The following ATG4B variants were observed in gnomAD, a reference collection of about 807,000 sequenced individuals.
The protein encoded by ATG4B is cysteine protease ATG4B.
Under a neutral mutation model 56.6 loss-of-function variants are expected in ATG4B, and 29 were observed. The observed-to-expected ratio is 0.51, with a 90% confidence interval of 0.38 to 0.70. The LOEUF (loss-of-function observed/expected upper bound fraction) is 0.70, where lower values mean the gene tolerates loss of function less well. Ranked by LOEUF, ATG4B falls within the 30% of genes least tolerant of loss-of-function variation. ATG4B has a pLI of 0.00. For missense variants in ATG4B, 461 were observed against 515.5 expected (o/e 0.89, Z 1.02); for synonymous variants, 224 against 206.1 (o/e 1.09, Z -0.74).
At chr2:241,647,454 T>TA (rs1425073512) in intron 1 of ATG4B, among the ~76,000 whole-genome samples, 30 of 150,564 alleles carry the variant, frequency 2.0e-4, no homozygotes, top group Middle Eastern at 3.4e-3. Flanking sequence ...CCGTCTCTAC[T>TA]AAAAAAAATA....
At chr2:241,661,283 A>G (rs1401521519) in intron 7 of ATG4B, among the ~76,000 whole-genome samples, 3 of 152,224 alleles carry the variant, frequency 2.0e-5, no homozygotes, top group Non-Finnish European at 4.4e-5. Flanking sequence ...TTTAGGAAGA[A>G]AGGCATCCAC....
Position 241,668,684 on chromosome 2 carries a change from T to C in ATG4B, c.956T>C (p.Val319Ala), listed in dbSNP as rs2068857381. The change falls in exon 10 of 13, where the codon GTG (valine) becomes GCG (alanine). Residue 319 changes from valine to alanine, a missense_variant and splice_region_variant. Val to Ala is a moderately conservative substitution (Grantham distance 64). Coordinates refer to ENST00000404914, the MANE Select transcript of ATG4B (RefSeq NM_013325.5). This position sits in a 1 kb window ranked among gnomAD's most constrained non-coding sequence, Gnocchi z 4.2. ...GCGGAGCTTGACCCGTCCATCGCTG[T>C]GGTACGTGGCGGCCACCTGAGCACA... Reference protein sequence around the residue: ...SIAELDPSIAVGFFCKTEDDF... With the variant: ...SIAELDPSIAAGFFCKTEDDF... 8.3e-6 allele frequency: 13 copies of C among 1,570,138 alleles called. No individual in the cohort carries two copies. Among genetic ancestry groups the C allele is most frequent in the Non-Finnish European group, 1.0e-5 (12 of 1,159,272 alleles).
chr2:241,652,632 G>C (rs1413631143), intron 3 of ATG4B, among the ~76,000 whole-genome samples: 1 of 152,164 alleles, frequency 6.6e-6, no homozygotes, highest in African/African-American at 2.4e-5. Flanking sequence ...GAGTGTCTGG[G>C]ACTACAGGTG....
chr2:241,641,528 C>T (rs1417179401), intron 1 of ATG4B, among the ~76,000 whole-genome samples: 8 of 142,824 alleles, frequency 5.6e-5, no homozygotes, highest in African/African-American at 1.1e-4. Context: ...CCAGCCTGGG[C>T]GACAGAGCGA....
intron 1 of ATG4B, 164 bp downstream of exon 1, chr2:241,637,888 G>A: frequency 1.9e-6 from 1 of 530,940 alleles, no homozygotes; most frequent in Non-Finnish European, 2.8e-6. Context: ...GTGTTGGTGG[G>A]TGGTGGGCGG....
At chr2:241,654,740 G>A in intron 5 of ATG4B, 93 bp downstream of exon 5, 1 of 1,013,986 alleles carries the variant, frequency 9.9e-7, no homozygotes, top group Non-Finnish European at 1.5e-6. Context: ...GGTGTCGTGG[G>A]ATGTGGAGCA....
intron 1 of ATG4B, among the ~76,000 whole-genome samples, chr2:241,639,590 G>A (rs551732346): frequency 1.3e-5 from 2 of 152,174 alleles, no homozygotes; most frequent in African/African-American, 4.8e-5. Context: ...ACAATCGAAG[G>A]GTGAGGAGGG....
At chr2:241,655,735 C>A (rs931512617) in intron 6 of ATG4B, among the ~76,000 whole-genome samples, 1 of 152,168 alleles carries the variant, frequency 6.6e-6, no homozygotes, top group African/African-American at 2.4e-5. Context: ...CTCACTCTAC[C>A]CGGAGACTCC....
chr2:241,671,325 G>A lies in ATG4B; in HGVS notation c.1028G>A (p.Gly343Glu). The stretch of plus-strand genomic sequence containing the variant: ...TCTCACTAACAGCTGTCTCTGCTTG[G>A]AGGTGCCCTGCCCATGTTTGAGCTG... ...CQQVKKLSLL[G>E]GALPMFELVE... The change falls in exon 12 of 13, where the codon GGA becomes GAA. Residue 343 changes from glycine (G) to glutamate (E), a missense_variant. Physicochemically the swap from Gly to Glu is moderately conservative, Grantham distance 98. Coordinates refer to ENST00000404914, the MANE Select transcript of ATG4B (RefSeq NM_013325.5). The A allele has an allele frequency of 6.2e-7, 1 of 1,613,306 alleles. No individual in the cohort carries two copies. The highest frequency in any genetic ancestry group is 8.5e-7 in the Non-Finnish European group (1 of 1,179,668).
intron 1 of ATG4B, among the ~76,000 whole-genome samples, chr2:241,637,960 G>T (rs2067726412): frequency 1.3e-5 from 2 of 151,668 alleles, no homozygotes; most frequent in South Asian, 4.1e-4. Flanking sequence ...TTGCGCTGGA[G>T]CTTCTGCTTT....
intron 5 of ATG4B, 35 bp from the exon 6 acceptor site, chr2:241,655,236 G>A (rs1439996540): frequency 8.2e-6 from 13 of 1,588,652 alleles, no homozygotes; most frequent in Non-Finnish European, 1.1e-5. Flanking sequence ...GCTGGGGGCG[G>A]GTGTGTGTTG....
At chr2:241,654,330 A>G (rs2125127172) in intron 4 of ATG4B, among the ~76,000 whole-genome samples, 1 of 149,746 alleles carries the variant, frequency 6.7e-6, no homozygotes, top group Middle Eastern at 3.5e-3. Flanking sequence ...CTGAAGCAGG[A>G]GAATCGCTTG....
At chr2:241,641,506 C>G (rs1243287613) in intron 1 of ATG4B, among the ~76,000 whole-genome samples, 1 of 150,216 alleles carries the variant, frequency 6.7e-6, no homozygotes, top group Non-Finnish European at 1.5e-5. Context: ...GCCAAGACTG[C>G]GCCACTGCAC....
intron 6 of ATG4B, 199 bp downstream of exon 6, chr2:241,655,542 T>C: frequency 4.9e-6 from 3 of 606,490 alleles, no homozygotes; most frequent in Non-Finnish European, 8.7e-6. Context: ...ATGAACACCG[T>C]AGTCCACATC....
chr2:241,644,928 G>A (rs1218613568), intron 1 of ATG4B, among the ~76,000 whole-genome samples: 1 of 149,500 alleles, frequency 6.7e-6, no homozygotes, highest in South Asian at 2.1e-4. Flanking sequence ...CAGCCTGGGT[G>A]ACGAGCAAAA....
chr2:241,671,569 C>A, intron 12 of ATG4B, 164 bp downstream of exon 12: 1 of 1,527,068 alleles, frequency 6.5e-7, no homozygotes, highest in Non-Finnish European at 8.8e-7. Flanking sequence ...GTGGAGCGTC[C>A]CCTCCTCCAA....
At chr2:241,640,695 G>A (rs1434724773) in intron 1 of ATG4B, among the ~76,000 whole-genome samples, 1 of 152,174 alleles carries the variant, frequency 6.6e-6, no homozygotes, top group Non-Finnish European at 1.5e-5. Context: ...GGCCAGGAAG[G>A]GTCTCACTCT....
intron 5 of ATG4B, 167 bp downstream of exon 5, chr2:241,654,814 G>C (rs905763746): frequency 6.4e-6 from 4 of 624,898 alleles, no homozygotes; most frequent in South Asian, 4.0e-5. Context: ...CATCACCCCC[G>C]TGTCATCCCA....
intron 7 of ATG4B, among the ~76,000 whole-genome samples, chr2:241,664,502 C>G (rs2068699834): frequency 1.3e-5 from 2 of 152,176 alleles, no homozygotes; most frequent in Non-Finnish European, 2.9e-5. Flanking sequence ...TGCACCACTT[C>G]ACTCCAGCCT....
Sources: allele counts gnomAD v4.1 joint callset (sites outside exome capture counted in the v4.1 genomes callset), GRCh38; gene constraint gnomAD v4.1.1; non-coding constraint Gnocchi (gnomAD v3.1); transcripts MANE v1.5; gene names NCBI Gene and HGNC (gene_info 2026-07-23, HGNC 2026-07-21).